Variants in FRMPD3 observed in about 807,000 individuals in gnomAD.
The protein encoded by FRMPD3 is FERM and PDZ domain containing 3.
Under a neutral mutation model 97.9 loss-of-function variants are expected in FRMPD3, and 42 were observed. The observed-to-expected ratio is 0.43, with a 90% CI of 0.34 to 0.55. FRMPD3 has a LOEUF of 0.55. FRMPD3 is among the 20% of genes least tolerant of loss of function. The probability of loss-of-function intolerance (pLI) is 0.03; values close to 1 mark genes in which losing one functional copy is unlikely to be tolerated. For missense variants in FRMPD3, 1,303 were observed against 1,457.7 expected (o/e 0.89, Z 1.73); for synonymous variants, 577 against 581.1 (o/e 0.99, Z 0.10).
chrX:107,598,395 G>C (rs772805021), intron 14 of FRMPD3, among the ~76,000 whole-genome samples: 48 of 112,361 alleles, frequency 4.3e-4, no homozygotes, highest in African/African-American at 1.4e-3. Flanking sequence ...AGATCCCAGG[G>C]ATTGGGGTCA....
Position 107,602,887 on chromosome X carries a change from C to G in FRMPD3, c.4848C>G (p.Ala1616=), listed in dbSNP as rs748805573. ...GTGTGGCCAGCCCCGAGGCCCGTGC[C>G]CCCAAGCCCTATGTGTCTCAGATCT... is the stretch of plus-strand genomic sequence containing the variant. The part of the protein sequence containing the change: ...RQCVASPEAR[A]PKPYVSQISE... Residue 1616 remains alanine, a synonymous_variant, in exon 15 of 15, where the codon GCC becomes GCG. Transcript: ENST00000683843. 3.3e-6 allele frequency: 4 copies of G among 1,210,077 alleles called. No homozygotes were observed. The East Asian group carries it at 8.9e-5, about 27-fold the overall frequency.
At chrX:107,450,381 T>C (rs1359426580) in intron 1 of FRMPD3, among the ~76,000 whole-genome samples, 2 of 110,576 alleles carry the variant, frequency 1.8e-5, no homozygotes, top group Non-Finnish European at 3.8e-5. Context: ...TGCTAGGAGG[T>C]GGCCACTTAG....
chrX:107,602,252 A>T lies in FRMPD3; in HGVS notation c.4213A>T (p.Arg1405Trp). 1 of 1,208,576 alleles carries T rather than the reference A, an allele frequency of 8.3e-7. No homozygotes were observed. The highest frequency in any genetic ancestry group is 1.1e-6 in the Non-Finnish European group (1 of 894,016). ...TATCAGTGAGCTGGACCAGGGTGAC[A>T]GGGCCTCGCTGACCTCGGATGTCTA... ...YSISELDQGDRASLTSDVYPH... is the reference protein window; with the variant it reads ...YSISELDQGDWASLTSDVYPH... The change falls in exon 15 of 15, where the codon AGG (arginine) becomes TGG (tryptophan). Residue 1405 changes from arginine (R) to tryptophan (W), a missense_variant. Around this residue, in one of 3 missense-constraint regions of FRMPD3, gnomAD observed 764 missense variants for 820.2 expected, o/e 0.93. Coordinates refer to ENST00000683843, the MANE Select transcript of FRMPD3 (RefSeq NM_001388459.1).
intron 1 of FRMPD3, among the ~76,000 whole-genome samples, chrX:107,464,758 A>G (rs1354004874): frequency 8.9e-6 from 1 of 111,772 alleles, no homozygotes; most frequent in East Asian, 2.8e-4. Flanking sequence ...AGATTAGGTC[A>G]CCTGATTCAA....
intron 5 of FRMPD3, among the ~76,000 whole-genome samples, 193 bp downstream of exon 5, chrX:107,546,034 G>A (rs748022322): frequency 9.2e-4 from 103 of 111,665 alleles, no homozygotes; most frequent in Non-Finnish European, 1.7e-3. Flanking sequence ...GGCATTGTGG[G>A]GAGAAGGAAT....
chrX:107,572,755 GC>G (rs1197411602), intron 12 of FRMPD3, among the ~76,000 whole-genome samples: 1 of 109,053 alleles, frequency 9.2e-6, no homozygotes, highest in African/African-American at 3.3e-5. Flanking sequence ...AAATAAAAAA[GC>G]CTTCAGGGTC....
In FRMPD3 at chrX:107,602,058, G is replaced by T. The variant is rs748216844; in HGVS notation, c.4019G>T (p.Gly1340Val). ...PSQRQPEAGP[G>V]VSLSSPINVQ... ...CAGAGGCAGCCAGAGGCTGGCCCAG[G>T]CGTGAGCCTCAGCAGCCCCATCAAT... The change falls in exon 15 of 15, where the codon GGC becomes GTC. Residue 1340 changes from glycine (G) to valine (V), a missense_variant. This residue lies in a region of FRMPD3 where 764 missense variants were observed against 820.2 expected (regional missense o/e 0.93). Transcript: ENST00000683843. 3 of 1,196,097 alleles carry T rather than the reference G, an allele frequency of 2.5e-6. No individual in the cohort carries two copies. Among genetic ancestry groups the T allele is most frequent in the Non-Finnish European group, 3.4e-6 (3 of 887,653 alleles).
chrX:107,552,023 T>G (rs998611763), intron 6 of FRMPD3, among the ~76,000 whole-genome samples: 1 of 112,197 alleles, frequency 8.9e-6, no homozygotes, highest in African/African-American at 3.2e-5. Flanking sequence ...AACACACACA[T>G]TGGAGCCCAG....
At chrX:107,595,380 C>T (rs1482462351) in intron 13 of FRMPD3, among the ~76,000 whole-genome samples, 1 of 110,056 alleles carries the variant, frequency 9.1e-6, no homozygotes, top group East Asian at 2.8e-4. Flanking sequence ...CCTTCTGTTA[C>T]TGATTTCTAA....
chrX:107,554,526 C>T, intron 8 of FRMPD3, 22 bp downstream of exon 8: 1 of 1,198,407 alleles, frequency 8.3e-7, no homozygotes, highest in Non-Finnish European at 1.1e-6. Flanking sequence ...CTTGGGGATA[C>T]ACAGACAGAC....
At chrX:107,572,831 G>A (rs1922943684) in intron 12 of FRMPD3, among the ~76,000 whole-genome samples, 1 of 109,055 alleles carries the variant, frequency 9.2e-6, no homozygotes, top group African/African-American at 3.4e-5. Flanking sequence ...GATCACTTGA[G>A]GCCAGGAGTT....
intron 12 of FRMPD3, among the ~76,000 whole-genome samples, chrX:107,567,001 CA>C (rs751557210): frequency 8.9e-6 from 1 of 111,994 alleles, no homozygotes; most frequent in Admixed American, 9.4e-5. Flanking sequence ...AGCACAATAT[CA>C]GAACATGTAT....
At chrX:107,583,996 A>G (rs1923525110) in intron 13 of FRMPD3, among the ~76,000 whole-genome samples, 2 of 107,494 alleles carry the variant, frequency 1.9e-5, no homozygotes, top group Non-Finnish European at 3.8e-5. Context: ...CCTCCCGAGT[A>G]GCTGCAACTA....
chrX:107,493,931 C>T (rs1172940498), intron 1 of FRMPD3, among the ~76,000 whole-genome samples: 1 of 111,580 alleles, frequency 9.0e-6, no homozygotes, highest in African/African-American at 3.3e-5. Context: ...CTCTGCCATG[C>T]ACAAGCTCAA....
chrX:107,497,344 A>G (rs1788652104), intron 1 of FRMPD3, among the ~76,000 whole-genome samples: 1 of 112,945 alleles, frequency 8.9e-6, no homozygotes, highest in Admixed American at 9.3e-5. Flanking sequence ...CCAAGTAAGG[A>G]GTTTTCATGC....
At chrX:107,523,548 C>A (rs1310432132) in intron 1 of FRMPD3, among the ~76,000 whole-genome samples, 2 of 111,959 alleles carry the variant, frequency 1.8e-5, no homozygotes, top group Non-Finnish European at 3.8e-5. Context: ...CTTCTGAACA[C>A]CCAAGTTGGA....
chrX:107,580,479 C>T (rs1286535251), intron 13 of FRMPD3, among the ~76,000 whole-genome samples: 1 of 111,573 alleles, frequency 9.0e-6, no homozygotes, highest in African/African-American at 3.3e-5. Context: ...GAGATGTTTC[C>T]ATCTTGCAGG....
At chrX:107,525,655 G>A (rs1922665066) in intron 1 of FRMPD3, 2 of 557,556 alleles carry the variant, frequency 3.6e-6, no homozygotes, top group Non-Finnish European at 6.5e-6. Context: ...TTTTCCAGGT[G>A]TCTCATTAAC....
At chrX:107,531,948 T>C (rs1231288718) in intron 3 of FRMPD3, among the ~76,000 whole-genome samples, 1 of 111,869 alleles carries the variant, frequency 8.9e-6, no homozygotes, top group African/African-American at 3.3e-5. Flanking sequence ...TATTCATTCA[T>C]TCATTCAGTC....
Sources: gnomAD v4.1 joint callset for allele counts (sites outside exome capture counted in the v4.1 genomes callset) on GRCh38, gnomAD v4.1.1 for gene constraint, gnomAD v4.1.1 regional missense constraint, MANE v1.5 for transcripts, NCBI Gene and HGNC (gene_info 2026-07-23, HGNC 2026-07-21) for gene names.